Variants in RFT1 observed in about 807,000 individuals in gnomAD.
RFT1 encodes RFT1 glycolipid translocator homolog.
A neutral mutation model predicts 62.2 loss-of-function variants in RFT1; 43 were observed. The ratio of observed to expected loss-of-function variants is 0.69; its 90% confidence interval spans 0.54 to 0.89. RFT1 has a LOEUF of 0.89. Among genes scored for constraint, RFT1 ranks in the 40% least tolerant of loss-of-function variants. The pLI is 0.00. For missense variants in RFT1, 605 were observed against 649.9 expected (o/e 0.93, Z 0.75); for synonymous variants, 262 against 264.6 (o/e 0.99, Z 0.10).
chr3:53,097,207 C>T (rs1353987679), intron 11 of RFT1, among the ~76,000 whole-genome samples: 4 of 151,972 alleles, frequency 2.6e-5, no homozygotes, highest in Non-Finnish European at 5.9e-5. Flanking sequence ...AAAATCCTTG[C>T]TAGAGTTTTT....
downstream of RFT1, among the ~76,000 whole-genome samples, chr3:53,087,780 G>C (rs962562175): frequency 2.0e-5 from 3 of 152,194 alleles, no homozygotes; most frequent in Non-Finnish European, 2.9e-5. Flanking sequence ...TTCAGCCTCC[G>C]AAAGTGTTGA....
At chr3:53,126,530 A>G (rs1440629888) in intron 1 of RFT1, among the ~76,000 whole-genome samples, 3 of 152,208 alleles carry the variant, frequency 2.0e-5, no homozygotes, top group Non-Finnish European at 4.4e-5. Context: ...AGTTTTCTCA[A>G]TTAGAACATA....
rs543708970 is a variant in RFT1 at position 53,090,204 on chromosome 3, T to A, written c.*1699A>T. 1 of 152,880 alleles carries A rather than the reference T, an allele frequency of 6.5e-6. No individual in the cohort carries two copies. The highest frequency in any genetic ancestry group is 2.1e-4 in the South Asian group (1 of 4,804). 9.5% of individuals were successfully genotyped at this position (152,880 alleles called of 1,614,324 possible). A position where few individuals can be genotyped will look rare whatever the true frequency, so the allele number is the denominator to read the frequency against. On this transcript the variant is annotated 3_prime_UTR_variant, in exon 13 of 13. Coordinates refer to ENST00000296292, the MANE Select transcript of RFT1 (RefSeq NM_052859.4). ...GATCATGCTTGAGTCTGGGGTCAGG[T>A]GGGCACGGGATAGGTGCAGGGTTCC...
chr3:53,088,289 AG>A, downstream of RFT1, among the ~76,000 whole-genome samples: 1 of 152,222 alleles, frequency 6.6e-6, no homozygotes, highest in Non-Finnish European at 1.5e-5. Flanking sequence ...TCCCAGACAC[AG>A]GAGGTGCCAG....
chr3:53,119,329 A>G (rs1701901097), intron 6 of RFT1, among the ~76,000 whole-genome samples: 1 of 152,222 alleles, frequency 6.6e-6, no homozygotes, highest in African/African-American at 2.4e-5. Flanking sequence ...GTGGAACACA[A>G]TGGTGGAGCC....
intron 7 of RFT1, 82 bp downstream of exon 7, chr3:53,111,748 G>T: frequency 1.7e-6 from 2 of 1,164,420 alleles, no homozygotes; most frequent in Non-Finnish European, 2.6e-6. Flanking sequence ...TGGACAGGTG[G>T]TCTGGACCCA....
rs757840366 is a variant in RFT1 at position 53,099,466 on chromosome 3, A to G, written c.1123T>C (p.Tyr375His). Residue 375 changes from tyrosine (Y) to histidine (H), a missense_variant, in exon 11 of 13, where the codon TAC becomes CAC. Tyr to His is a moderately conservative substitution (Grantham distance 83). Transcript: ENST00000296292. ...GCAAGCAGGAGAACATAGAGACAGT[A>G]GGAACGCAGCAAAACAGGACCTACA... ...SGSGPVLLRSYCLYVLLLAIN... is the reference protein window; with the variant it reads ...SGSGPVLLRSHCLYVLLLAIN... 4.3e-6 allele frequency: 7 copies of G among 1,614,042 alleles called. No individual in the cohort carries two copies. The highest frequency in any genetic ancestry group is 5.9e-6 in the Non-Finnish European group (7 of 1,179,938).
chr3:53,072,223 A>G, the RFT1 span, among the ~76,000 whole-genome samples: 2 of 152,116 alleles, frequency 1.3e-5, no homozygotes, highest in Non-Finnish European at 2.9e-5. Flanking sequence ...TCGTCTCTAC[A>G]TGAGGCTGTG....
the RFT1 span, among the ~76,000 whole-genome samples, chr3:53,070,816 C>T: frequency 0.018 from 2,707 of 150,066 alleles, 91 homozygotes; most frequent in African/African-American, 0.062. Context: ...GTGGGCAGAT[C>T]ACCTGAGGTT....
intron 6 of RFT1, among the ~76,000 whole-genome samples, chr3:53,119,091 G>A (rs1346526713): frequency 1.3e-5 from 2 of 152,064 alleles, no homozygotes; most frequent in African/African-American, 4.8e-5. Flanking sequence ...GCATGTACCT[G>A]TAGTCCCAGC....
chr3:53,067,676 G>T, the RFT1 span, among the ~76,000 whole-genome samples: 6 of 152,168 alleles, frequency 3.9e-5, no homozygotes, highest in South Asian at 2.1e-4. Context: ...AGCCTCCAGG[G>T]TATGCTCGAT....
intron 5 of RFT1, among the ~76,000 whole-genome samples, chr3:53,120,775 C>T (rs1455973674): frequency 2.0e-5 from 3 of 152,190 alleles, no homozygotes; most frequent in African/African-American, 7.2e-5. Context: ...CTGGCAATAT[C>T]AAGGCTGCTC....
chr3:53,093,450 C>A, intron 11 of RFT1, among the ~76,000 whole-genome samples: 1 of 152,154 alleles, frequency 6.6e-6, no homozygotes, highest in Non-Finnish European at 1.5e-5. Flanking sequence ...GCTTGTACAG[C>A]CAAGAACAAA....
In RFT1 at chr3:53,092,505, A is replaced by T; in HGVS notation, c.1322T>A (p.Ile441Asn). ...FILANCFNMG[I>N]RITQSLCFIH... is the part of the protein sequence containing the mutation. ...GAAGCAAAGGCTCTGCGTGATCCGAATGCCCATGTTAAAGCAGTTGGCCAA... is the reference window on the plus strand; with the variant it reads ...GAAGCAAAGGCTCTGCGTGATCCGATTGCCCATGTTAAAGCAGTTGGCCAA... Residue 441 changes from isoleucine (I) to asparagine (N), a missense_variant, in exon 12 of 13, where the codon ATT becomes AAT. Ile to Asn is a moderately radical substitution (Grantham distance 149). Coordinates refer to ENST00000296292, the MANE Select transcript of RFT1 (RefSeq NM_052859.4). The T allele has an allele frequency of 3.1e-6, 5 of 1,612,528 alleles. No individual in the cohort carries two copies. The highest frequency in any genetic ancestry group is 4.2e-6 in the Non-Finnish European group (5 of 1,179,634).
chr3:53,071,517 C>G, the RFT1 span, among the ~76,000 whole-genome samples: 4 of 152,168 alleles, frequency 2.6e-5, no homozygotes, highest in Admixed American at 2.6e-4. Context: ...GTCACAGGGG[C>G]CGACCTGGGA....
intron 12 of RFT1, 131 bp downstream of exon 12, chr3:53,092,238 A>G (rs1701011499): frequency 1.0e-5 from 15 of 1,433,736 alleles, no homozygotes; most frequent in Non-Finnish European, 1.4e-5. Flanking sequence ...TTGTCACATT[A>G]TCAGAAGATG....
At chr3:53,121,905 G>GCCCTGCCCCCACA in intron 4 of RFT1, 105 bp from the exon 5 acceptor site, 1 of 891,910 alleles carries the variant, frequency 1.1e-6, no homozygotes, top group Non-Finnish European at 1.8e-6. Context: ...CTGGCTGTGG[G>GCCCTGCCCCCACA]GGCAGGGCAC....
At chr3:53,117,762 C>T (rs1701850365) in intron 6 of RFT1, among the ~76,000 whole-genome samples, 1 of 152,188 alleles carries the variant, frequency 6.6e-6, no homozygotes, top group Non-Finnish European at 1.5e-5. Flanking sequence ...TGCCAGGCCA[C>T]AATGTTAAGA....
At chr3:53,123,628 G>A in intron 3 of RFT1, 96 bp downstream of exon 3, 1 of 945,850 alleles carries the variant, frequency 1.1e-6, no homozygotes, top group Non-Finnish European at 1.7e-6. Flanking sequence ...ACTGAATCTG[G>A]GGGCAATTCA....
Sources: allele counts gnomAD v4.1 joint callset (sites outside exome capture counted in the v4.1 genomes callset), GRCh38; gene constraint gnomAD v4.1.1; transcripts MANE v1.5; gene names NCBI Gene and HGNC (gene_info 2026-07-23, HGNC 2026-07-21).